Variants in PLCB1 observed in about 807,000 individuals in gnomAD.
The protein encoded by PLCB1 is 1-phosphatidylinositol 4,5-bisphosphate phosphodiesterase beta-1.
Under a neutral mutation model 161.8 loss-of-function variants are expected in PLCB1, and 46 were observed. The observed-to-expected ratio is 0.28, with a 90% CI of 0.22 to 0.36. The LOEUF is 0.36. Among genes scored for constraint, PLCB1 ranks in the 10% least tolerant of loss-of-function variants. PLCB1 has a pLI of 1.00. For synonymous variants in PLCB1, 517 were observed against 503.7 expected, an observed-to-expected ratio of 1.03 and a Z score of -0.35; for missense variants, 1,016 against 1,472.5, an observed-to-expected ratio of 0.69 and a Z score of 5.07.
intron 2 of PLCB1, among the ~76,000 whole-genome samples, chr20:8,172,972 G>C (rs1294816791): frequency 1.3e-5 from 2 of 152,208 alleles, no homozygotes; most frequent in African/African-American, 4.8e-5. Flanking sequence ...AGTCCATCCA[G>C]TGTCAACAGG....
chr20:8,411,552 C>A (rs1979044064), intron 3 of PLCB1, among the ~76,000 whole-genome samples: 2 of 152,096 alleles, frequency 1.3e-5, no homozygotes, highest in African/African-American at 4.8e-5. Context: ...AAAGAGTAGA[C>A]TTTTATTGGG....
chr20:8,231,027 AC>A (rs1980002617), intron 2 of PLCB1, among the ~76,000 whole-genome samples: 1 of 151,266 alleles, frequency 6.6e-6, no homozygotes. Context: ...CTTTCCATTC[AC>A]CTCTCCATAA....
intron 2 of PLCB1, among the ~76,000 whole-genome samples, chr20:8,355,038 T>A (rs1172355270): frequency 2.0e-5 from 3 of 152,188 alleles, no homozygotes; most frequent in African/African-American, 4.8e-5. Context: ...TCTACAGTCA[T>A]GAAATGGAAC....
At chr20:8,850,974 A>G (rs1378577950) in intron 31 of PLCB1, among the ~76,000 whole-genome samples, 1 of 152,230 alleles carries the variant, frequency 6.6e-6, no homozygotes, top group Non-Finnish European at 1.5e-5. Context: ...ATCCACAAAC[A>G]TGGTTTATTG....
intron 2 of PLCB1, among the ~76,000 whole-genome samples, chr20:8,340,547 C>G (rs1042708282): frequency 2.6e-5 from 4 of 151,960 alleles, no homozygotes; most frequent in Non-Finnish European, 4.4e-5. Context: ...CTCAGCCTCC[C>G]GCGTAGCTGG....
intron 2 of PLCB1, among the ~76,000 whole-genome samples, chr20:8,154,486 A>G (rs746636977): frequency 6.1e-4 from 93 of 152,172 alleles, no homozygotes; most frequent in Non-Finnish European, 8.5e-4. Context: ...GTAAATGCTC[A>G]GAAGTGCGAT....
At chr20:8,493,842 G>A (rs1377819560) in intron 3 of PLCB1, among the ~76,000 whole-genome samples, 1 of 111,792 alleles carries the variant, frequency 8.9e-6, no homozygotes, top group African/African-American at 3.6e-5. Flanking sequence ...ACGAGAGTCT[G>A]CATGAGTGCT....
intron 1 of PLCB1, among the ~76,000 whole-genome samples, chr20:8,138,015 C>T (rs1193750908): frequency 6.6e-6 from 1 of 152,110 alleles, no homozygotes; most frequent in African/African-American, 2.4e-5. Context: ...TAGTAAATGC[C>T]CTGAAGGAGC....
At chr20:8,629,003 T>A (rs905701772) in intron 4 of PLCB1, among the ~76,000 whole-genome samples, 2 of 151,950 alleles carry the variant, frequency 1.3e-5, no homozygotes, top group Non-Finnish European at 2.9e-5. Context: ...AAAATACAAA[T>A]AAAACCACAT....
chr20:8,593,456 A>G (rs1371873055), intron 3 of PLCB1, among the ~76,000 whole-genome samples: 1 of 152,018 alleles, frequency 6.6e-6, no homozygotes, highest in Non-Finnish European at 1.5e-5. Context: ...AGTCTCTCAA[A>G]GTGCTGGGAT....
At chr20:8,155,553 T>C (rs181704348) in intron 2 of PLCB1, among the ~76,000 whole-genome samples, 88 of 152,366 alleles carry the variant, frequency 5.8e-4, no homozygotes, top group Non-Finnish European at 1.2e-3. Flanking sequence ...TTTTGAATGA[T>C]GCATCATAAA....
At chr20:8,710,502 C>CTTT (rs1177302486) in intron 12 of PLCB1, among the ~76,000 whole-genome samples, 14 of 71,476 alleles carry the variant, frequency 2.0e-4, no homozygotes, top group East Asian at 4.8e-4. Flanking sequence ...CTTGAGGATG[C>CTTT]TTTTTTTTTT....
chr20:8,683,581 A>G (rs1396138763), intron 9 of PLCB1, among the ~76,000 whole-genome samples: 2 of 152,188 alleles, frequency 1.3e-5, no homozygotes, highest in Non-Finnish European at 1.5e-5. Context: ...ACGTGTATCA[A>G]AACATCCAGT....
intron 3 of PLCB1, among the ~76,000 whole-genome samples, chr20:8,481,491 T>C (rs1982496805): frequency 6.6e-6 from 1 of 152,194 alleles, no homozygotes; most frequent in Non-Finnish European, 1.5e-5. Context: ...GGAATTTCAG[T>C]TTTTACTGGT....
intron 3 of PLCB1, among the ~76,000 whole-genome samples, chr20:8,420,690 A>G (rs755669505): frequency 1.6e-4 from 25 of 152,350 alleles, no homozygotes; most frequent in Non-Finnish European, 3.4e-4. Context: ...CTGAATAGCT[A>G]CAGCAGCATT....
chr20:8,342,555 A>G (rs1985845793), intron 2 of PLCB1, among the ~76,000 whole-genome samples: 1 of 152,152 alleles, frequency 6.6e-6, no homozygotes, highest in African/African-American at 2.4e-5. Context: ...CTTTGCCTTC[A>G]TTACATGAAT....
At chr20:8,374,252 G>A (rs1278503452) in intron 3 of PLCB1, among the ~76,000 whole-genome samples, 1 of 152,092 alleles carries the variant, frequency 6.6e-6, no homozygotes, top group Non-Finnish European at 1.5e-5. Flanking sequence ...TAAGTGTTTG[G>A]TAGTTCCTCC....
chr20:8,594,623 C>G (rs1987264491), intron 3 of PLCB1, among the ~76,000 whole-genome samples: 1 of 151,902 alleles, frequency 6.6e-6, no homozygotes, highest in South Asian at 2.1e-4. Flanking sequence ...TGATTCTCCA[C>G]TCATTGTAGT....
intron 23 of PLCB1, 42 bp downstream of exon 23, chr20:8,741,615 T>TCAC (rs772631249): frequency 5.1e-5 from 65 of 1,273,480 alleles, no homozygotes; most frequent in Non-Finnish European, 7.2e-5. Context: ...TTAAGCATGA[T>TCAC]CACCACACCT....
Sources: allele counts gnomAD v4.1 joint callset (sites outside exome capture counted in the v4.1 genomes callset), GRCh38; gene constraint gnomAD v4.1.1; transcripts MANE v1.5; gene names NCBI Gene and HGNC (gene_info 2026-07-23, HGNC 2026-07-21).